HACD1: variants seen among roughly 807,000 people sequenced by gnomAD.
HACD1 encodes the protein very-long-chain (3R)-3-hydroxyacyl-CoA dehydratase 1.
A neutral mutation model predicts 32.0 loss-of-function variants in HACD1; 41 were observed. That is an observed-to-expected ratio of 1.28 (90% confidence interval 1.00 to 1.66). HACD1 has a LOEUF of 1.66. HACD1 is among the 40% of genes most tolerant of loss of function. The probability of loss-of-function intolerance (pLI) is 0.00; values close to 1 mark genes in which losing one functional copy is unlikely to be tolerated. For missense variants in HACD1, 396 were observed against 380.1 expected (o/e 1.04, Z -0.35); for synonymous variants, 142 against 139.0 (o/e 1.02, Z -0.15).
rs1237336711 is a variant in HACD1, at chr10:17,590,098, T to A, written c.*266A>T. ...TGTTTCAAAAAAAACTTAGCAAAAG[T>A]TTTTTTTTCCCCCAGATAATACACC... is the stretch of plus-strand genomic sequence containing the variant. On this transcript the variant is annotated 3_prime_UTR_variant, in exon 7 of 7. Coordinates refer to ENST00000361271, the MANE Select transcript of HACD1 (RefSeq NM_014241.4). The A allele has an allele frequency of 1.8e-5, 4 of 223,066 alleles. No individual in the cohort carries two copies. The highest frequency in any genetic ancestry group is 2.6e-5 in the Non-Finnish European group (3 of 115,134). The allele number at this position is 223,066 out of a possible 1,614,324, so 13.8% of individuals were successfully genotyped here. A position where few individuals can be genotyped will look rare whatever the true frequency, so the allele number is the denominator to read the frequency against.
At chr10:17,590,553 A>G (rs1244849400) in intron 6 of HACD1, 107 bp from the exon 7 acceptor site, 3 of 696,630 alleles carry the variant, frequency 4.3e-6, no homozygotes, top group Admixed American at 3.2e-5. Flanking sequence ...ATCCCATACC[A>G]CTGCTGTTCC....
rs192681358 is a variant in HACD1, at chr10:17,592,010, C to G, written c.785-1564G>C. 2.3e-3 allele frequency among the ~76,000 whole-genome samples: 216 copies of G among 92,586 alleles called. 1 individual carries two copies. Among genetic ancestry groups the G allele is most frequent in the African/African-American group, 0.01 (175 of 16,832 alleles). The allele number at this position is 92,586 out of a possible 152,430, so 60.7% of individuals were successfully genotyped here. On this transcript the variant is annotated intron_variant, in intron 6 of 6. Transcript: ENST00000361271. ...TTTTTTTTTTTTTTTGAGATGGAGTCTCACTCTGTCACTCAGGCTGGAGTG... is the reference window on the plus strand; with the variant it reads ...TTTTTTTTTTTTTTTGAGATGGAGTGTCACTCTGTCACTCAGGCTGGAGTG...
chr10:17,613,925 G>C (rs1172218317), intron 1 of HACD1, among the ~76,000 whole-genome samples: 1 of 152,006 alleles, frequency 6.6e-6, no homozygotes, highest in African/African-American at 2.4e-5. Context: ...GATATCAAAT[G>C]CAAGTTGACT....
chr10:17,605,771 T>C (rs1201838466), intron 1 of HACD1, among the ~76,000 whole-genome samples: 4 of 151,526 alleles, frequency 2.6e-5, no homozygotes, highest in African/African-American at 7.3e-5. Context: ...CTGGCCAACA[T>C]AGCAAAACCC....
At chr10:17,611,133 T>A (rs1312501949) in intron 1 of HACD1, among the ~76,000 whole-genome samples, 1 of 151,868 alleles carries the variant, frequency 6.6e-6, no homozygotes, top group Non-Finnish European at 1.5e-5. Flanking sequence ...CCCGAGTAGC[T>A]GGGACTACAG....
intron 4 of HACD1, among the ~76,000 whole-genome samples, chr10:17,602,072 AT>A (rs374433598): frequency 9.4e-4 from 135 of 144,090 alleles, no homozygotes; most frequent in Admixed American, 1.1e-3. Flanking sequence ...CATGGGTTTA[AT>A]TTTTTTTTTT....
At chr10:17,597,439 G>A (rs1402544984) in intron 5 of HACD1, among the ~76,000 whole-genome samples, 14 of 152,142 alleles carry the variant, frequency 9.2e-5, no homozygotes, top group African/African-American at 3.4e-4. Context: ...CGCCCAGCCT[G>A]CAATGGATAA....
chr10:17,612,072 C>T (rs956046696), intron 1 of HACD1, among the ~76,000 whole-genome samples: 54 of 142,302 alleles, frequency 3.8e-4, no homozygotes, highest in Admixed American at 3.6e-3. Flanking sequence ...AGGAGTTTGA[C>T]GCCAGCCTAG....
intron 5 of HACD1, among the ~76,000 whole-genome samples, chr10:17,595,800 G>A (rs1027344088): frequency 1.3e-5 from 2 of 151,902 alleles, no homozygotes; most frequent in South Asian, 2.1e-4. Context: ...CACTCTGGGC[G>A]ATATAGTAAG....
At position 17,593,750 on chromosome 10, in the gene HACD1, T is replaced by C. The variant is rs138073225; in HGVS notation, c.784+455A>G. Among the ~76,000 whole-genome samples, 226 of 152,330 alleles carry C rather than the reference T, an allele frequency of 1.5e-3. 1 individual carries two copies. Among genetic ancestry groups the C allele is most frequent in the African/African-American group, 4.4e-3 (184 of 41,572 alleles). On this transcript the variant is annotated intron_variant, in intron 6 of 6. Transcript: ENST00000361271. ...AGAGGCTTTATTATTTGCAAGTACATAGAGCAACACAAATAAGACTCAAAA... is the reference window on the plus strand; with the variant it reads ...AGAGGCTTTATTATTTGCAAGTACACAGAGCAACACAAATAAGACTCAAAA...
At chr10:17,603,887 T>A (rs1299412568) in intron 2 of HACD1, 43 bp downstream of exon 2, 10 of 1,523,326 alleles carry the variant, frequency 6.6e-6, no homozygotes, top group Non-Finnish European at 9.1e-6. Flanking sequence ...AATGTTCACA[T>A]AAATATTACA....
chr10:17,599,667 A>G lies in HACD1; in HGVS notation c.484-256T>C, dbSNP rs149460007. Among the ~76,000 whole-genome samples, 241 of 152,312 alleles carry G rather than the reference A, an allele frequency of 1.6e-3. 1 individual carries two copies. Among genetic ancestry groups the G allele is most frequent in the African/African-American group, 4.8e-3 (198 of 41,572 alleles). On this transcript the variant is annotated intron_variant, in intron 4 of 6. Coordinates refer to ENST00000361271, the MANE Select transcript of HACD1 (RefSeq NM_014241.4). ...GTCCTTCACTTCAGGAAATAACGCT[A>G]TCATCAGAGGACAATGTTACCTTGC...
chr10:17,610,336 A>C (rs1554817390), intron 1 of HACD1, among the ~76,000 whole-genome samples: 1 of 152,158 alleles, frequency 6.6e-6, no homozygotes, highest in Non-Finnish European at 1.5e-5. Context: ...AAAATATCTT[A>C]CTTTCTCTTT....
intron 6 of HACD1, among the ~76,000 whole-genome samples, chr10:17,591,885 C>G (rs1266000507): frequency 2.2e-5 from 3 of 135,280 alleles, no homozygotes; most frequent in Non-Finnish European, 4.9e-5. Context: ...ACTCACTGAC[C>G]AATTATTGTA....
rs1588995110 is a variant in HACD1 at position 17,612,648 on chromosome 10, C to T, written c.257+4435G>A. Among the ~76,000 whole-genome samples, 3 of 151,944 alleles carry T rather than the reference C, an allele frequency of 2.0e-5. No individual in the cohort carries two copies. In the South Asian group the frequency reaches 6.2e-4, roughly 32 times the overall value. ...AAAACTTGGAAGAGGGGGCCGGGCGCGGTGGCTCATGCCTGTAATCCCAGC... is the reference window on the plus strand; with the variant it reads ...AAAACTTGGAAGAGGGGGCCGGGCGTGGTGGCTCATGCCTGTAATCCCAGC... On this transcript the variant is annotated intron_variant, in intron 1 of 6. Transcript: ENST00000361271.
Position 17,617,108 on chromosome 10 carries a change from A to T in HACD1, c.232T>A (p.Phe78Ile), listed in dbSNP as rs1554818170. 6.7e-7 allele frequency: 1 copy of T among 1,501,000 alleles called. No homozygotes were observed. The highest frequency in any genetic ancestry group is 8.9e-7 in the Non-Finnish European group (1 of 1,127,988). The allele number at this position is 1,501,000 out of a possible 1,614,324, so 93.0% of individuals were successfully genotyped here. A position where few individuals can be genotyped will look rare whatever the true frequency, so the allele number is the denominator to read the frequency against. ...CCCGCGGTCATGGCGATGTCGTAGAAGGTGAGCCAGGCGGTGGCCAAGACC... is the reference window on the plus strand; with the variant it reads ...CCCGCGGTCATGGCGATGTCGTAGATGGTGAGCCAGGCGGTGGCCAAGACC... ...LGVLATAWLT[F>I]YDIAMTAGWL... The change falls in exon 1 of 7, where the codon TTC becomes ATC. Residue 78 changes from phenylalanine to isoleucine, a missense_variant. By Grantham distance (21) the Phe-to-Ile change is conservative. Transcript: ENST00000361271.
chr10:17,598,278 A>C (rs185895933), intron 5 of HACD1, among the ~76,000 whole-genome samples: 1 of 146,378 alleles, frequency 6.8e-6, no homozygotes. Flanking sequence ...AAAAAAAAAA[A>C]AGAGAAAAAA....
chr10:17,600,788 G>C (rs781885936), intron 4 of HACD1, among the ~76,000 whole-genome samples: 1 of 152,094 alleles, frequency 6.6e-6, no homozygotes, highest in East Asian at 1.9e-4. Flanking sequence ...TAAGTCCTTA[G>C]GTATACTGCA....
chr10:17,611,413 T>C, intron 1 of HACD1, among the ~76,000 whole-genome samples: 1 of 152,272 alleles, frequency 6.6e-6, no homozygotes, highest in Non-Finnish European at 1.5e-5. Flanking sequence ...GTTTAAATGC[T>C]GTGATCTCTC....
Sources: gnomAD v4.1 joint callset for allele counts (sites outside exome capture counted in the v4.1 genomes callset) on GRCh38, gnomAD v4.1.1 for gene constraint, MANE v1.5 for transcripts, NCBI Gene and HGNC (gene_info 2026-07-23, HGNC 2026-07-21) for gene names.